PRSS12: variants seen among roughly 807,000 people sequenced by gnomAD.
PRSS12 encodes serine protease 12, also known as neurotrypsin.
A neutral mutation model predicts 104.4 loss-of-function variants in PRSS12; 85 were observed. That is an observed-to-expected ratio of 0.81 (90% CI 0.68 to 0.98). The LOEUF (loss-of-function observed/expected upper bound fraction) is 0.98, where lower values mean the gene tolerates loss of function less well. Ranked by LOEUF, PRSS12 falls within the 50% of genes least tolerant of loss-of-function variation. PRSS12 has a pLI of 0.00. For missense variants in PRSS12, 1,141 were observed against 1,139.2 expected (o/e 1.00, Z -0.02); for synonymous variants, 454 against 425.2 (o/e 1.07, Z -0.83).
At chr4:118,343,772 C>T (rs1455847155) in intron 1 of PRSS12, among the ~76,000 whole-genome samples, 1 of 152,094 alleles carries the variant, frequency 6.6e-6, no homozygotes, top group Non-Finnish European at 1.5e-5. Flanking sequence ...AAATGCATGC[C>T]TGCCTATTTA....
At chr4:118,307,208 A>G (rs542209734) in intron 8 of PRSS12, among the ~76,000 whole-genome samples, 1 of 152,222 alleles carries the variant, frequency 6.6e-6, no homozygotes, top group Non-Finnish European at 1.5e-5. Context: ...TTGAAAATTT[A>G]TATCACAAAT....
chr4:118,327,231 T>C (rs555727808), intron 4 of PRSS12, among the ~76,000 whole-genome samples: 3 of 152,286 alleles, frequency 2.0e-5, no homozygotes, highest in East Asian at 3.9e-4. Flanking sequence ...TGCAACTCCC[T>C]GTAGCTTCAA....
At chr4:118,295,174 G>T in intron 10 of PRSS12, 113 bp from the exon 11 acceptor site, 2 of 1,399,806 alleles carry the variant, frequency 1.4e-6, no homozygotes, top group Admixed American at 2.0e-5. Flanking sequence ...TGGGGGAAAA[G>T]GAAAGCAAAA....
chr4:118,315,521 GA>G (rs1376950607), intron 6 of PRSS12, among the ~76,000 whole-genome samples: 2 of 152,162 alleles, frequency 1.3e-5, no homozygotes, highest in African/African-American at 4.8e-5. Flanking sequence ...GCATGACAGA[GA>G]AATATGGAAA....
intron 2 of PRSS12, among the ~76,000 whole-genome samples, chr4:118,337,508 A>G (rs905465525): frequency 2.0e-5 from 3 of 152,196 alleles, no homozygotes; most frequent in Non-Finnish European, 4.4e-5. Context: ...TGTCGTAAAG[A>G]CAGTGCCTAG....
In PRSS12 at chr4:118,313,190, C is replaced by T. The variant is rs761041147; in HGVS notation, c.1489+11G>A. The T allele has an allele frequency of 6.2e-7, 1 of 1,612,256 alleles. No homozygotes were observed. The highest frequency in any genetic ancestry group is 8.5e-7 in the Non-Finnish European group (1 of 1,179,720). On this transcript the variant is annotated intron_variant, in intron 7 of 12. Coordinates refer to ENST00000296498, the MANE Select transcript of PRSS12 (RefSeq NM_003619.4). ...AATGATGGAAACTTGAGAGCTGCAG[C>T]CAGTCCTCACCCAGAGAGAGCCTGT... is the stretch of plus-strand genomic sequence containing the variant.
rs192185965 is a variant in PRSS12 at position 118,322,371 on chromosome 4, G to A, written c.972-3815C>T. Among the ~76,000 whole-genome samples, 4 of 152,148 alleles carry A rather than the reference G, an allele frequency of 2.6e-5. No homozygotes were observed. The East Asian group carries it at 7.7e-4, about 29-fold the overall frequency. ...TTGAGACCAGGCTGATCAATGTAGT[G>A]AAACCCTATCTCTACTAAAAATACA... On this transcript the variant is annotated intron_variant, in intron 4 of 12. Coordinates refer to ENST00000296498, the MANE Select transcript of PRSS12 (RefSeq NM_003619.4).
chr4:118,281,411 A>C lies in PRSS12; in HGVS notation c.*525T>G. The C allele has an allele frequency of 5.9e-6, 1 of 168,962 alleles. No homozygotes were observed. The highest frequency in any genetic ancestry group is 1.3e-5 in the Non-Finnish European group (1 of 76,592). The allele number at this position is 168,962 out of a possible 1,614,324, so 10.5% of individuals were successfully genotyped here. On this transcript the variant is annotated 3_prime_UTR_variant, in exon 13 of 13. Transcript: ENST00000296498. ...CTTTACTACTCCTATTCAGGCCTAA[A>C]AGTTTATAGTGGAATTCTTTAACCA...
At chr4:118,335,795 CT>C in intron 2 of PRSS12, 144 bp from the exon 3 acceptor site, 1 of 801,854 alleles carries the variant, frequency 1.2e-6, no homozygotes, top group East Asian at 2.6e-5. Flanking sequence ...ACACAAAAGA[CT>C]ACATCAGTTT....
intron 1 of PRSS12, among the ~76,000 whole-genome samples, chr4:118,345,990 T>C (rs139534073): frequency 0.014 from 2,062 of 152,260 alleles, 35 homozygotes; most frequent in Non-Finnish European, 0.022. Flanking sequence ...GGAAGGAACA[T>C]GTGATCCAGT....
rs1026170195 is a variant in PRSS12, at chr4:118,352,511, CCGCGGGGGG to C, written c.201_209del (p.Pro68_Arg70del). ...CGTGCGGGCGCTGGGCAGGGAGCGC[CCGCGGGGGG>C]CGCGGGAAGCGCGGGAGAGGCGGCG... On this transcript the variant is annotated inframe_deletion, in exon 1 of 13. Transcript: ENST00000296498. 4.1e-5 allele frequency: 60 copies of C among 1,448,026 alleles called. No homozygotes were observed. Among genetic ancestry groups the C allele is most frequent in the Non-Finnish European group, 5.2e-5 (57 of 1,097,714 alleles). The allele number at this position is 1,448,026 out of a possible 1,614,324, so 89.7% of individuals were successfully genotyped here. A position where few individuals can be genotyped will look rare whatever the true frequency, so the allele number is the denominator to read the frequency against.
Position 118,352,737 on chromosome 4 carries a change from G to C in PRSS12, c.-17C>G, listed in dbSNP as rs770252205. The C allele has an allele frequency of 8.7e-6, 14 of 1,612,004 alleles. No homozygotes were observed. The highest frequency in any genetic ancestry group is 1.2e-5 in the Non-Finnish European group (14 of 1,179,064). ...GAGCGTCATGGTGCCAGCGCTGCGG[G>C]GTCTGGTCCATGCTCCCCAGCTTCT... is the stretch of plus-strand genomic sequence containing the variant. On this transcript the variant is annotated 5_prime_UTR_variant, in exon 1 of 13. Coordinates refer to ENST00000296498, the MANE Select transcript of PRSS12 (RefSeq NM_003619.4).
chr4:118,318,091 T>C (rs1398465225), intron 5 of PRSS12, among the ~76,000 whole-genome samples: 1 of 152,224 alleles, frequency 6.6e-6, no homozygotes, highest in Non-Finnish European at 1.5e-5. Context: ...CTGGAATGTA[T>C]CACTGCACAC....
intron 11 of PRSS12, among the ~76,000 whole-genome samples, chr4:118,291,081 C>A (rs1348171842): frequency 6.6e-6 from 1 of 151,532 alleles, no homozygotes; most frequent in Non-Finnish European, 1.5e-5. Flanking sequence ...TTTGCCTTAC[C>A]CCCTCAGATA....
At chr4:118,336,851 A>C (rs966099900) in intron 2 of PRSS12, among the ~76,000 whole-genome samples, 1 of 152,186 alleles carries the variant, frequency 6.6e-6, no homozygotes, top group African/African-American at 2.4e-5. Flanking sequence ...CCTCAAAGGA[A>C]AAAGCATGAA....
chr4:118,311,863 T>C lies in PRSS12; in HGVS notation c.1489+1338A>G, dbSNP rs891111684. Among the ~76,000 whole-genome samples, 8 of 152,258 alleles carry C rather than the reference T, an allele frequency of 5.3e-5. No homozygotes were observed. The East Asian group carries it at 1.5e-3, about 29-fold the overall frequency. On this transcript the variant is annotated intron_variant, in intron 7 of 12. Transcript: ENST00000296498. ...AGAACTCAGGTCACATAGTATTTCA[T>C]CACTGGGAGCTCACAGAGCATATCT...
In PRSS12 at chr4:118,280,176, T is replaced by C. The variant is rs960547328; in HGVS notation, c.*1760A>G. ...AAGGATTGAGCAAACTGCAGGCTGC[T>C]TGCTGCCTTTTAGGTTTGCTAGTCC... is the stretch of plus-strand genomic sequence containing the variant. On this transcript the variant is annotated 3_prime_UTR_variant, in exon 13 of 13. Transcript: ENST00000296498. The C allele has an allele frequency of 6.6e-6, 1 of 152,270 alleles. No individual in the cohort carries two copies. Among genetic ancestry groups the C allele is most frequent in the African/African-American group, 2.4e-5 (1 of 41,472 alleles). 9.4% of individuals were successfully genotyped at this position (152,270 alleles called of 1,614,324 possible).
intron 3 of PRSS12, 50 bp downstream of exon 3, chr4:118,335,423 G>T: frequency 6.3e-7 from 1 of 1,594,090 alleles, no homozygotes; most frequent in Non-Finnish European, 8.6e-7. Flanking sequence ...CTGGAATCAC[G>T]TTTAAAACAT....
chr4:118,325,792 G>T (rs1723754790), intron 4 of PRSS12, among the ~76,000 whole-genome samples: 1 of 151,974 alleles, frequency 6.6e-6, no homozygotes. Context: ...TGTAATAAAA[G>T]CTCTAGTGTT....
Sources: allele counts gnomAD v4.1 joint callset (sites outside exome capture counted in the v4.1 genomes callset), GRCh38; gene constraint gnomAD v4.1.1; transcripts MANE v1.5; gene names NCBI Gene and HGNC (gene_info 2026-07-23, HGNC 2026-07-21).